ELN: variants seen among roughly 807,000 people sequenced by gnomAD.
The protein encoded by ELN is elastin.
Under a neutral mutation model 105.8 loss-of-function variants are expected in ELN, and 65 were observed. That is an observed-to-expected ratio of 0.61 (90% confidence interval 0.50 to 0.75). ELN has a LOEUF of 0.75. Among genes scored for constraint, ELN ranks in the 30% least tolerant of loss-of-function variants. The probability of loss-of-function intolerance (pLI) is 0.00; values close to 1 mark genes in which losing one functional copy is unlikely to be tolerated. For synonymous variants in ELN, 368 were observed against 389.2 expected, an observed-to-expected ratio of 0.95 and a Z score of 0.64; for missense variants, 882 against 969.4, an observed-to-expected ratio of 0.91 and a Z score of 1.20.
At chr7:74,052,901 GAA>G (rs1458959642) in intron 17 of ELN, 2 of 541,904 alleles carry the variant, frequency 3.7e-6, no homozygotes, top group Non-Finnish European at 6.6e-6. Context: ...AAGAAAGAAA[GAA>G]AGAGAAAGGA....
rs1319833680 is a variant in ELN, at chr7:74,065,630, A to G, written c.1994-64A>G. 4.4e-6 allele frequency: 7 copies of G among 1,582,220 alleles called. No individual in the cohort carries two copies. In the Admixed American group the frequency reaches 1.3e-4, roughly 28 times the overall value. On this transcript the variant is annotated intron_variant, in intron 29 of 32. Transcript: ENST00000252034. ...CTCTGCCTCAAGAAAAAAAAAAAAA[A>G]AAAAGACAGGGCCTGACAGGTGGCA... is the stretch of plus-strand genomic sequence containing the variant.
intron 18 of ELN, among the ~76,000 whole-genome samples, chr7:74,054,121 G>A (rs576985308): frequency 1.3e-5 from 2 of 152,234 alleles, no homozygotes; most frequent in South Asian, 2.1e-4. Context: ...TTGGCAGATA[G>A]ATGAGTGGAC....
At chr7:74,043,242 T>A in intron 8 of ELN, 74 bp downstream of exon 8, 1 of 1,539,840 alleles carries the variant, frequency 6.5e-7, no homozygotes, top group Non-Finnish European at 8.8e-7. Flanking sequence ...CAGAGCCCTC[T>A]CCATGCCACT....
At chr7:74,056,478 G>A in intron 20 of ELN, 43 bp downstream of exon 20, 3 of 1,611,882 alleles carry the variant, frequency 1.9e-6, no homozygotes, top group African/African-American at 1.3e-5. Flanking sequence ...GAGAAGGGAT[G>A]GGGGCTTCTT....
Position 74,060,402 on chromosome 7 carries a change from A to ATCCCTGGACTTGGAGTTGGTGTCGGCG in ELN, c.1670_1696dup (p.Val557_Gly565dup), listed in dbSNP as rs782112327. The ATCCCTGGACTTGGAGTTGGTGTCGGCG allele has an allele frequency of 1.2e-6, 2 of 1,613,930 alleles. No homozygotes were observed. Among genetic ancestry groups the ATCCCTGGACTTGGAGTTGGTGTCGGCG allele is most frequent in the Non-Finnish European group, 1.7e-6 (2 of 1,180,014 alleles). ...AGCTGCAGCTGGGCTTGGTGCTGGC[A>ATCCCTGGACTTGGAGTTGGTGTCGGCG]TCCCTGGACTTGGAGTTGGTGTCGG... is the stretch of plus-strand genomic sequence containing the variant. On this transcript the variant is annotated inframe_insertion, in exon 25 of 33. Transcript: ENST00000252034.
Position 74,060,515 on chromosome 7 carries a change from A to G in ELN, c.1747+14A>G, listed in dbSNP as rs1438687754. The G allele has an allele frequency of 6.2e-7, 1 of 1,614,002 alleles. No individual in the cohort carries two copies. The highest frequency in any genetic ancestry group is 1.3e-5 in the African/African-American group (1 of 74,898). ...GCTTCGGGGCAGGTGCAGATGAGGG[A>G]GTTAGGCGGAGCCTGTCCCCTGAGC... On this transcript the variant is annotated intron_variant, in intron 25 of 32. Coordinates refer to ENST00000252034, the MANE Select transcript of ELN (RefSeq NM_000501.4).
rs10267161 is a variant in ELN at position 74,035,866 on chromosome 7, G to C, written c.133+452G>C. Among the ~76,000 whole-genome samples the C allele has an allele frequency of 1.3e-3, 200 of 152,196 alleles. No individual in the cohort carries two copies. The Middle Eastern group carries it at 0.014, about 10-fold the overall frequency. The stretch of plus-strand genomic sequence containing the variant: ...AGGCAGGAGGATCACTTGAGCTTAG[G>C]AGTTCAAGGCTGCAGTGAGCTATAA... On this transcript the variant is annotated intron_variant, in intron 2 of 32. Coordinates refer to ENST00000252034, the MANE Select transcript of ELN (RefSeq NM_000501.4).
At chr7:74,054,570 A>G in intron 18 of ELN, 146 bp from the exon 19 acceptor site, 2 of 799,400 alleles carry the variant, frequency 2.5e-6, no homozygotes, top group Non-Finnish European at 4.4e-6. Flanking sequence ...GTGGGTGGAC[A>G]TCAGTGCATA....
Position 74,045,213 on chromosome 7 carries a change from C to G in ELN, c.470-9C>G. On this transcript the variant is annotated splice_polypyrimidine_tract_variant and intron_variant, in intron 9 of 32. Coordinates refer to ENST00000252034, the MANE Select transcript of ELN (RefSeq NM_000501.4). ...GCCTTCCTACACTCACTGCTTTGTCCCCCGGCAGGAGCTCGGTTCCCCGGT... is the reference window on the plus strand; with the variant it reads ...GCCTTCCTACACTCACTGCTTTGTCGCCCGGCAGGAGCTCGGTTCCCCGGT... 1 of 1,613,998 alleles carries G rather than the reference C, an allele frequency of 6.2e-7. No homozygotes were observed. The highest frequency in any genetic ancestry group is 8.5e-7 in the Non-Finnish European group (1 of 1,180,028).
chr7:74,066,695 C>T, intron 31 of ELN, 37 bp from the exon 32 acceptor site: 2 of 1,612,618 alleles, frequency 1.2e-6, no homozygotes, highest in Non-Finnish European at 1.7e-6. Context: ...TCAGTTTCCA[C>T]CCCTACCAAC....
Position 74,063,750 on chromosome 7 carries a change from G to A in ELN, c.1993+55G>A. On this transcript the variant is annotated intron_variant, in intron 29 of 32. Coordinates refer to ENST00000252034, the MANE Select transcript of ELN (RefSeq NM_000501.4). This position sits in a 1 kb window ranked among gnomAD's most constrained non-coding sequence, Gnocchi z 4.1. The stretch of plus-strand genomic sequence containing the variant: ...GTGTGGTGTGTGTATGCGAGACAGA[G>A]ATGGAGACAGAGACAGAGACAGAGA... The A allele has an allele frequency of 1.9e-6, 3 of 1,609,468 alleles. No individual in the cohort carries two copies. The highest frequency in any genetic ancestry group is 1.1e-5 in the South Asian group (1 of 90,964).
chr7:74,035,032 C>T (rs1459831983), intron 1 of ELN, among the ~76,000 whole-genome samples: 6 of 152,030 alleles, frequency 3.9e-5, no homozygotes, highest in South Asian at 2.1e-4. Flanking sequence ...CCCAGGCAGA[C>T]GGAGGTTGCA....
chr7:74,064,247 C>G (rs1447039658), intron 29 of ELN, among the ~76,000 whole-genome samples: 1 of 137,460 alleles, frequency 7.3e-6, no homozygotes, highest in African/African-American at 2.9e-5. Flanking sequence ...AACCCCGTCT[C>G]TACTAAAAAT....
intron 26 of ELN, among the ~76,000 whole-genome samples, chr7:74,061,646 T>C (rs987045603): frequency 6.6e-6 from 1 of 152,044 alleles, no homozygotes; most frequent in African/African-American, 2.4e-5. Context: ...AGCGAGACTG[T>C]ATCTCAAAAA....
At chr7:74,042,952 T>C (rs989096834) in intron 6 of ELN, 32 bp from the exon 7 acceptor site, 26 of 1,614,026 alleles carry the variant, frequency 1.6e-5, no homozygotes, top group Non-Finnish European at 2.0e-5. Context: ...CACTGTTCCT[T>C]ACGCAATGCC....
chr7:74,057,772 C>T, intron 22 of ELN, 76 bp downstream of exon 22: 2 of 1,544,284 alleles, frequency 1.3e-6, no homozygotes, highest in African/African-American at 2.7e-5. Context: ...GTCTGACCGC[C>T]CAGCTTCCTG....
intron 31 of ELN, among the ~76,000 whole-genome samples, chr7:74,066,365 G>A (rs781878913): frequency 2.0e-4 from 30 of 152,032 alleles, no homozygotes; most frequent in Non-Finnish European, 3.2e-4. Context: ...TCAGGAGTTC[G>A]AGACCAGTCT....
At chr7:74,043,669 G>C (rs1439910264) in intron 8 of ELN, 1 of 672,902 alleles carries the variant, frequency 1.5e-6, no homozygotes, top group African/African-American at 1.8e-5. Context: ...CCAGGAGACG[G>C]AGATAAATCC....
chr7:74,053,855 G>T (rs1195515027), intron 18 of ELN, among the ~76,000 whole-genome samples: 1 of 151,660 alleles, frequency 6.6e-6, no homozygotes, highest in Non-Finnish European at 1.5e-5. Context: ...GGATGGATAG[G>T]TGAGTGGATG....
Sources: allele counts gnomAD v4.1 joint callset (sites outside exome capture counted in the v4.1 genomes callset), GRCh38; gene constraint gnomAD v4.1.1; non-coding constraint Gnocchi (gnomAD v3.1); transcripts MANE v1.5; gene names NCBI Gene and HGNC (gene_info 2026-07-23, HGNC 2026-07-21).